The following PTPRJ variants were observed in gnomAD, a reference collection of about 807,000 sequenced individuals.
The protein encoded by PTPRJ is protein tyrosine phosphatase receptor type J.
In PTPRJ, 129 loss-of-function variants were observed where a neutral mutation model predicts 141.3. That is an observed-to-expected ratio of 0.91 (90% CI 0.79 to 1.06). The LOEUF (loss-of-function observed/expected upper bound fraction) is 1.06, where lower values mean the gene tolerates loss of function less well. Among genes scored for constraint, PTPRJ ranks in the 50% least tolerant of loss-of-function variants. The pLI, the probability that PTPRJ is intolerant of heterozygous loss-of-function variation, is 0.00. For missense variants in PTPRJ, 1,601 were observed against 1,679.7 expected (o/e 0.95, Z 0.82); for synonymous variants, 610 against 640.5 (o/e 0.95, Z 0.72).
chr11:48,147,477 AT>A (rs1857380096), intron 15 of PTPRJ, among the ~76,000 whole-genome samples: 1 of 152,204 alleles, frequency 6.6e-6, no homozygotes, highest in African/African-American at 2.4e-5. Context: ...AGGTCATTAA[AT>A]GGTAAAAGTA....
chr11:47,998,480 A>G (rs145359624), intron 1 of PTPRJ, among the ~76,000 whole-genome samples: 1 of 152,328 alleles, frequency 6.6e-6, no homozygotes, highest in East Asian at 1.9e-4. Context: ...GATGAGGCAC[A>G]GAGAGGTGGA....
chr11:48,159,107 TGTGTGTGTATGTGGG>T lies in PTPRJ; in HGVS notation c.3439-814_3439-800del, dbSNP rs1193116157. ...TGTGTGTGTATGTGGGGTGTGTGTG[TGTGTGTGTATGTGGG>T]GTGTGTGTGTGTGTGTGTGTGTGTG... is the stretch of plus-strand genomic sequence containing the variant. On this transcript the variant is annotated intron_variant, in intron 21 of 24. Transcript: ENST00000418331. Among the ~76,000 whole-genome samples the T allele has an allele frequency of 2.2e-4, 27 of 120,184 alleles. 1 individual carries two copies. In the South Asian group the frequency reaches 7.0e-3, roughly 31 times the overall value. The allele number at this position is 120,184 out of a possible 152,430, so 78.8% of individuals were successfully genotyped here.
At chr11:47,999,532 C>T (rs1854433982) in intron 1 of PTPRJ, among the ~76,000 whole-genome samples, 1 of 152,212 alleles carries the variant, frequency 6.6e-6, no homozygotes, top group Admixed American at 6.5e-5. Flanking sequence ...GGGCTCTTCT[C>T]AACTGGGGCT....
At chr11:48,148,981 GT>G (rs1857414736) in intron 15 of PTPRJ, among the ~76,000 whole-genome samples, 1 of 152,174 alleles carries the variant, frequency 6.6e-6, no homozygotes, top group African/African-American at 2.4e-5. Context: ...CTTCCAGAAA[GT>G]TTTTCTTAAA....
At chr11:48,129,537 G>A (rs747252748) in intron 7 of PTPRJ, among the ~76,000 whole-genome samples, 5 of 152,086 alleles carry the variant, frequency 3.3e-5, no homozygotes, top group Non-Finnish European at 7.4e-5. Flanking sequence ...TGGGGGTTAG[G>A]ACATAAACAT....
chr11:48,142,967 AT>A lies in PTPRJ; in HGVS notation c.2494del (p.Ser832GlnfsTer2). The A allele has an allele frequency of 6.2e-7, 1 of 1,614,160 alleles. No individual in the cohort carries two copies. The highest frequency in any genetic ancestry group is 8.5e-7 in the Non-Finnish European group (1 of 1,180,004). On this transcript the variant is annotated frameshift_variant, in exon 12 of 25. Coordinates refer to ENST00000418331, the MANE Select transcript of PTPRJ (RefSeq NM_002843.4). LOFTEE classifies it high-confidence loss of function. The part of the protein sequence containing the change: ...GSPNITSVSH[N>X]SVKVKFSGFE... Reference sequence around the variant, plus strand: ...CCTAATATTACATCTGTCAGTCACAATTCAGTAAAGGTCAAGTTCAGTGGAT... The same window carrying A: ...CCTAATATTACATCTGTCAGTCACAATCAGTAAAGGTCAAGTTCAGTGGAT...
chr11:48,106,043 T>C (rs1341642687), intron 1 of PTPRJ, among the ~76,000 whole-genome samples: 3 of 152,176 alleles, frequency 2.0e-5, no homozygotes, highest in Admixed American at 6.5e-5. Flanking sequence ...TGTCATCTGC[T>C]CCAGCTAGGA....
At chr11:47,987,408 T>A (rs1387257973) in intron 1 of PTPRJ, among the ~76,000 whole-genome samples, 1 of 152,132 alleles carries the variant, frequency 6.6e-6, no homozygotes, top group Non-Finnish European at 1.5e-5. Context: ...ATGACCAAAT[T>A]GTAAAGATGA....
At chr11:48,048,245 A>G (rs576804604) in intron 1 of PTPRJ, among the ~76,000 whole-genome samples, 1 of 152,168 alleles carries the variant, frequency 6.6e-6, no homozygotes, top group South Asian at 2.1e-4. Flanking sequence ...CTTTGGGCAT[A>G]CAGGTAATCC....
At position 48,086,504 on chromosome 11, in the gene PTPRJ, A is replaced by G. The variant is rs372436309; in HGVS notation, c.97-23554A>G. On this transcript the variant is annotated intron_variant, in intron 1 of 24. Coordinates refer to ENST00000418331, the MANE Select transcript of PTPRJ (RefSeq NM_002843.4). ...GACATTTATATGTGGGGACCACTGC[A>G]TCTTGCAGATGGGTAAACTGAGGTA... Among the ~76,000 whole-genome samples, 6 of 152,340 alleles carry G rather than the reference A, an allele frequency of 3.9e-5. No individual in the cohort carries two copies. The South Asian group carries it at 6.2e-4, about 16-fold the overall frequency.
chr11:47,980,661 G>T lies in PTPRJ; in HGVS notation c.-252G>T. The T allele has an allele frequency of 2.0e-6, 2 of 986,108 alleles. No homozygotes were observed. The highest frequency in any genetic ancestry group is 2.4e-6 in the Non-Finnish European group (2 of 831,530). The allele number at this position is 986,108 out of a possible 1,614,324, so 61.1% of individuals were successfully genotyped here. On this transcript the variant is annotated 5_prime_UTR_variant, in exon 1 of 25. The change creates a premature stop within an existing upstream ORF in the 5' untranslated region. Coordinates refer to ENST00000418331, the MANE Select transcript of PTPRJ (RefSeq NM_002843.4). Reference sequence around the variant, plus strand: ...GTGGGCGCCGCTCGCTCCGCCCCGCGAAGCCCCTGCGCGCTCAGGGACGCG... The same window carrying T: ...GTGGGCGCCGCTCGCTCCGCCCCGCTAAGCCCCTGCGCGCTCAGGGACGCG...
At chr11:48,127,583 G>C (rs529805293) in intron 6 of PTPRJ, among the ~76,000 whole-genome samples, 197 bp from the exon 7 acceptor site, 6 of 152,320 alleles carry the variant, frequency 3.9e-5, no homozygotes, top group Admixed American at 2.6e-4. Context: ...CCATTGGCCA[G>C]GTTGTTTCTT....
intron 1 of PTPRJ, among the ~76,000 whole-genome samples, chr11:48,077,155 T>A (rs1855426422): frequency 6.6e-6 from 1 of 152,168 alleles, no homozygotes; most frequent in South Asian, 2.1e-4. Flanking sequence ...CATGAACCAC[T>A]GTGCCTGGCC....
rs555654298 is a variant in PTPRJ, at chr11:48,108,513, G to A, written c.97-1545G>A. The stretch of plus-strand genomic sequence containing the variant: ...ATGTAGAAAGCCCAGCACAGTGTCT[G>A]TTACATAGTAGGTGCTTAGTAAGTT... On this transcript the variant is annotated intron_variant, in intron 1 of 24. Coordinates refer to ENST00000418331, the MANE Select transcript of PTPRJ (RefSeq NM_002843.4). 9.2e-5 allele frequency among the ~76,000 whole-genome samples: 14 copies of A among 152,340 alleles called. No individual in the cohort carries two copies. In the East Asian group the frequency reaches 2.5e-3, roughly 27 times the overall value.
At chr11:48,143,097 G>T in intron 12 of PTPRJ, 47 bp downstream of exon 12, 1 of 1,604,204 alleles carries the variant, frequency 6.2e-7, no homozygotes, top group South Asian at 1.1e-5. Flanking sequence ...GTGATGCAGT[G>T]ACCAGAGCTT....
intron 1 of PTPRJ, among the ~76,000 whole-genome samples, chr11:48,072,286 T>C (rs147249796): frequency 2.5e-4 from 38 of 152,308 alleles, no homozygotes; most frequent in Non-Finnish European, 3.8e-4. Flanking sequence ...GGTGCCAGCA[T>C]CTGGCCAGGG....
intron 1 of PTPRJ, among the ~76,000 whole-genome samples, chr11:48,027,588 C>T (rs1590415868): frequency 6.6e-6 from 1 of 151,678 alleles, no homozygotes; most frequent in African/African-American, 2.4e-5. Flanking sequence ...GTCAGGAGTT[C>T]GAGACCAGCC....
At position 48,146,979 on chromosome 11, in the gene PTPRJ, CTAA is replaced by C. The variant is rs749504926; in HGVS notation, c.2999+25_2999+27del. ...GAAAGAAGAGGTGATATTGCTTATG[CTAA>C]TAATAATACTCTGGTATTTAAGGAA... On this transcript the variant is annotated intron_variant, in intron 15 of 24. Transcript: ENST00000418331. 6.3e-7 allele frequency: 1 copy of C among 1,595,084 alleles called. No individual in the cohort carries two copies. Among genetic ancestry groups the C allele is most frequent in the South Asian group, 1.1e-5 (1 of 90,678 alleles).
At chr11:48,016,297 C>G (rs1590406133) in intron 1 of PTPRJ, among the ~76,000 whole-genome samples, 2 of 152,204 alleles carry the variant, frequency 1.3e-5, no homozygotes, top group Admixed American at 1.3e-4. Flanking sequence ...ACAGCTGCTT[C>G]CCACTCGTTA....
Sources: gnomAD v4.1 joint callset for allele counts (sites outside exome capture counted in the v4.1 genomes callset) on GRCh38, gnomAD v4.1.1 for gene constraint, MANE v1.5 for transcripts, NCBI Gene and HGNC (gene_info 2026-07-23, HGNC 2026-07-21) for gene names.